Variants in ARHGAP24 observed in about 807,000 individuals in gnomAD.
ARHGAP24 encodes the protein rho GTPase-activating protein 24.
A neutral mutation model predicts 76.4 loss-of-function variants in ARHGAP24; 50 were observed. The ratio of observed to expected loss-of-function variants is 0.65; its 90% CI spans 0.52 to 0.83. The LOEUF is 0.83. ARHGAP24 is among the 40% of genes least tolerant of loss of function. ARHGAP24 has a pLI of 0.00. For synonymous variants in ARHGAP24, 345 were observed against 323.3 expected (o/e 1.07, Z -0.72); for missense variants, 930 against 914.2 (o/e 1.02, Z -0.22).
At chr4:85,894,538 T>C (rs1734032100) in intron 3 of ARHGAP24, among the ~76,000 whole-genome samples, 1 of 152,238 alleles carries the variant, frequency 6.6e-6, no homozygotes, top group South Asian at 2.1e-4. Context: ...ACATTTTGTT[T>C]ATTTTCCTTT....
In ARHGAP24 at chr4:85,642,055, G is replaced by T. The variant is rs1361429242; in HGVS notation, c.180+71334G>T. Among the ~76,000 whole-genome samples, 3 of 152,082 alleles carry T rather than the reference G, an allele frequency of 2.0e-5. 1 individual carries two copies. The East Asian group carries it at 5.8e-4, about 29-fold the overall frequency. ...TGCAGCATTCCTTCATCATAGGTGT[G>T]GGGCAGGACCCTTTCTGAAATGGGA... On this transcript the variant is annotated intron_variant, in intron 2 of 9. Transcript: ENST00000395184.
intron 3 of ARHGAP24, among the ~76,000 whole-genome samples, chr4:85,740,998 A>G (rs1378603249): frequency 6.6e-6 from 1 of 152,230 alleles, no homozygotes; most frequent in Admixed American, 6.5e-5. Flanking sequence ...TAACAATGCT[A>G]TAATTTAAGG....
At chr4:85,553,511 T>G (rs1235626183) in intron 1 of ARHGAP24, among the ~76,000 whole-genome samples, 1 of 152,094 alleles carries the variant, frequency 6.6e-6, no homozygotes, top group Non-Finnish European at 1.5e-5. Context: ...ATTGGTGCAT[T>G]TACAATCCTT....
intron 3 of ARHGAP24, among the ~76,000 whole-genome samples, chr4:85,731,471 C>T (rs1725406925): frequency 6.6e-6 from 1 of 152,178 alleles, no homozygotes; most frequent in Non-Finnish European, 1.5e-5. Context: ...ATAAACAAGA[C>T]TGCAGTTTTA....
At chr4:85,560,451 GA>G (rs1294635315) in intron 1 of ARHGAP24, among the ~76,000 whole-genome samples, 2 of 152,088 alleles carry the variant, frequency 1.3e-5, no homozygotes, top group Non-Finnish European at 2.9e-5. Context: ...CGGAAACGTT[GA>G]AGCTTAAAAT....
intron 3 of ARHGAP24, among the ~76,000 whole-genome samples, chr4:85,761,927 T>A (rs1271364386): frequency 5.3e-5 from 8 of 152,214 alleles, no homozygotes; most frequent in Non-Finnish European, 1.2e-4. Context: ...GAGTCCATAG[T>A]AACCGCTGTA....
At chr4:85,483,568 C>T (rs1275471587) in intron 1 of ARHGAP24, among the ~76,000 whole-genome samples, 2 of 152,014 alleles carry the variant, frequency 1.3e-5, no homozygotes, top group East Asian at 1.9e-4. Flanking sequence ...GCCGAGATGG[C>T]GCCACTGCAC....
At chr4:85,967,249 T>C (rs1176647940) in intron 5 of ARHGAP24, among the ~76,000 whole-genome samples, 1 of 152,118 alleles carries the variant, frequency 6.6e-6, no homozygotes, top group Non-Finnish European at 1.5e-5. Context: ...TGTTACGAAG[T>C]AGAAGAAAAT....
At chr4:85,749,561 ATTG>A (rs1230621209) in intron 3 of ARHGAP24, among the ~76,000 whole-genome samples, 1 of 151,844 alleles carries the variant, frequency 6.6e-6, no homozygotes, top group African/African-American at 2.4e-5. Flanking sequence ...GTTTTTTGTT[ATTG>A]TTGTTGTTGT....
At chr4:85,704,857 A>C (rs1018782957) in intron 2 of ARHGAP24, among the ~76,000 whole-genome samples, 3 of 152,088 alleles carry the variant, frequency 2.0e-5, no homozygotes, top group Admixed American at 6.6e-5. Flanking sequence ...ACCAGATAGA[A>C]TTTTTTTAAT....
chr4:85,578,157 C>T (rs555890917), intron 2 of ARHGAP24, among the ~76,000 whole-genome samples: 5 of 152,260 alleles, frequency 3.3e-5, no homozygotes, highest in South Asian at 2.1e-4. Context: ...AAAGGCATTC[C>T]GTGGCAGTCC....
chr4:85,746,822 T>C (rs561653218), intron 3 of ARHGAP24, among the ~76,000 whole-genome samples: 7 of 152,106 alleles, frequency 4.6e-5, no homozygotes, highest in Non-Finnish European at 8.8e-5. Flanking sequence ...TGGCTAATTT[T>C]TTTTGTATTT....
At position 85,624,608 on chromosome 4, in the gene ARHGAP24, GT is replaced by G. The variant is rs1323868594; in HGVS notation, c.180+53889del. Among the ~76,000 whole-genome samples the G allele has an allele frequency of 7.2e-5, 11 of 152,214 alleles. No individual in the cohort carries two copies. The East Asian group carries it at 2.1e-3, about 29-fold the overall frequency. On this transcript the variant is annotated intron_variant, in intron 2 of 9. Coordinates refer to ENST00000395184, the MANE Select transcript of ARHGAP24 (RefSeq NM_001025616.3). Reference sequence around the variant, plus strand: ...GGATGATGCTGGCCTCATAAAATGAGTTATGGAGGATTCCCTCTTTTTCTAT... The same window carrying G: ...GGATGATGCTGGCCTCATAAAATGAGTATGGAGGATTCCCTCTTTTTCTAT...
intron 1 of ARHGAP24, among the ~76,000 whole-genome samples, chr4:85,476,239 T>C (rs914609663): frequency 6.6e-6 from 1 of 152,070 alleles, no homozygotes; most frequent in Admixed American, 6.5e-5. Context: ...TACTTAAGAC[T>C]ACATTTATTT....
rs543550751 is a variant in ARHGAP24 at position 85,774,494 on chromosome 4, AG to A, written c.268+52524del. The stretch of plus-strand genomic sequence containing the variant: ...ACCTGGAAAGGATAGAATTAGCTCT[AG>A]GCTATCTGCTGTTTCAATAAGAAAA... On this transcript the variant is annotated intron_variant, in intron 3 of 9. Transcript: ENST00000395184. Among the ~76,000 whole-genome samples the A allele has an allele frequency of 8.2e-3, 1,255 of 152,344 alleles. 17 individuals carry two copies. Among genetic ancestry groups the A allele is most frequent in the South Asian group, 0.029 (138 of 4,830 alleles).
intron 4 of ARHGAP24, among the ~76,000 whole-genome samples, chr4:85,939,975 A>C (rs1347748306): frequency 6.6e-6 from 1 of 152,168 alleles, no homozygotes; most frequent in Admixed American, 6.6e-5. Flanking sequence ...ATGATCTACA[A>C]GTCTTTTAAA....
intron 1 of ARHGAP24, among the ~76,000 whole-genome samples, chr4:85,560,433 A>T (rs1236631768): frequency 1.3e-5 from 2 of 152,268 alleles, no homozygotes; most frequent in East Asian, 1.9e-4. Flanking sequence ...TTTCTTAGCA[A>T]ATGAATACGG....
chr4:85,836,667 G>A lies in ARHGAP24; in HGVS notation c.269-86981G>A, dbSNP rs561006871. On this transcript the variant is annotated intron_variant, in intron 3 of 9. Transcript: ENST00000395184. ...AGGACTTCAACATATCTTTCCTGAG[G>A]AACATAATTCAACCCCTAGCATTGG... Among the ~76,000 whole-genome samples, 22 of 152,236 alleles carry A rather than the reference G, an allele frequency of 1.4e-4. 1 individual carries two copies. The South Asian group carries it at 4.6e-3, about 32-fold the overall frequency.
At chr4:85,669,917 A>G (rs1367043484) in intron 2 of ARHGAP24, among the ~76,000 whole-genome samples, 1 of 152,004 alleles carries the variant, frequency 6.6e-6, no homozygotes, top group Non-Finnish European at 1.5e-5. Flanking sequence ...CCACTTGGGT[A>G]GGAACATGTG....
Sources: allele counts gnomAD v4.1 joint callset (sites outside exome capture counted in the v4.1 genomes callset), GRCh38; gene constraint gnomAD v4.1.1; transcripts MANE v1.5; gene names NCBI Gene and HGNC (gene_info 2026-07-23, HGNC 2026-07-21).